Variants in TENM1 observed in about 807,000 individuals in gnomAD.
TENM1 encodes teneurin transmembrane protein 1.
Under a neutral mutation model 174.8 loss-of-function variants are expected in TENM1, and 35 were observed. That is an observed-to-expected ratio of 0.20 (90% CI 0.15 to 0.27). The LOEUF (loss-of-function observed/expected upper bound fraction) is 0.27. Among genes scored for constraint, TENM1 ranks in the 10% least tolerant of loss-of-function variants. The probability of loss-of-function intolerance (pLI) is 1.00; values close to 1 mark genes in which losing one functional copy is unlikely to be tolerated. For synonymous variants in TENM1, 781 were observed against 798.7 expected, an observed-to-expected ratio of 0.98 and a Z score of 0.37; for missense variants, 1,633 against 2,130.1, an observed-to-expected ratio of 0.77 and a Z score of 4.59.
intron 5 of TENM1, among the ~76,000 whole-genome samples, chrX:124,692,337 T>C (rs1321439963): frequency 9.0e-6 from 1 of 111,370 alleles, no homozygotes; most frequent in Non-Finnish European, 1.9e-5. Context: ...TCAGGTACTA[T>C]GCTTATTACC....
intron 1 of TENM1, among the ~76,000 whole-genome samples, chrX:124,913,182 T>C (rs1038158349): frequency 9.0e-6 from 1 of 111,330 alleles, no homozygotes; most frequent in Non-Finnish European, 1.9e-5. Context: ...TTTATATACG[T>C]TCCCATAGTG....
intron 8 of TENM1, among the ~76,000 whole-genome samples, chrX:124,650,425 T>C (rs2046541614): frequency 9.0e-6 from 1 of 110,802 alleles, no homozygotes; most frequent in African/African-American, 3.3e-5. Context: ...GACAGCTTGA[T>C]ATGTGGATGA....
chrX:124,688,323 C>A (rs1603003478), intron 5 of TENM1, among the ~76,000 whole-genome samples: 1 of 108,843 alleles, frequency 9.2e-6, no homozygotes, highest in East Asian at 2.9e-4. Context: ...GATGTAGGCT[C>A]ACTGCAACCT....
chrX:124,378,550 C>T (rs932860851), exon 32 of TENM1: 1 of 111,715 alleles, frequency 9.0e-6, no homozygotes, highest in African/African-American at 3.3e-5. Context: ...TCAGAAAAAA[C>T]CCAATAATAT....
At chrX:124,523,224 T>G (rs759006297) in intron 17 of TENM1, 140 bp downstream of exon 20, 9 of 653,251 alleles carry the variant, frequency 1.4e-5, no homozygotes, top group Admixed American at 1.0e-4. Context: ...CAGAAAAACA[T>G]TTGAAGACTT....
intron 3 of TENM1, among the ~76,000 whole-genome samples, chrX:124,779,925 A>AC: frequency 8.9e-6 from 1 of 111,897 alleles, no homozygotes; most frequent in South Asian, 3.7e-4. Context: ...TTGGGAACTA[A>AC]CCTTAAGTCT....
intron 3 of TENM1, among the ~76,000 whole-genome samples, chrX:124,832,129 C>T (rs2056303313): frequency 9.0e-6 from 1 of 111,700 alleles, no homozygotes; most frequent in African/African-American, 3.3e-5. Flanking sequence ...TATCCCTCCT[C>T]CCCCTCTTTT....
chrX:124,840,707 C>T (rs374639242), intron 3 of TENM1, among the ~76,000 whole-genome samples: 3 of 111,729 alleles, frequency 2.7e-5, no homozygotes, highest in Admixed American at 9.5e-5. Flanking sequence ...GATCTGTTTT[C>T]GTTAGGTTAA....
chrX:124,832,637 C>T (rs2056313955), intron 3 of TENM1, among the ~76,000 whole-genome samples: 1 of 112,469 alleles, frequency 8.9e-6, no homozygotes, highest in Non-Finnish European at 1.9e-5. Flanking sequence ...TGGAGTGCAG[C>T]AGTCTCGGCT....
chrX:125,103,489 T>C, the TENM1 span, among the ~76,000 whole-genome samples: 29 of 111,301 alleles, frequency 2.6e-4, no homozygotes, highest in Non-Finnish European at 4.3e-4. Context: ...CCCTTTAAGG[T>C]TCTATTTTAT....
At chrX:124,423,403 T>C (rs2060676745) in intron 23 of TENM1, among the ~76,000 whole-genome samples, 1 of 111,770 alleles carries the variant, frequency 8.9e-6, no homozygotes, top group Non-Finnish European at 1.9e-5. Flanking sequence ...GGGTTAAGCC[T>C]TGTGCTAAGC....
intron 25 of TENM1, among the ~76,000 whole-genome samples, chrX:124,414,094 TTTTGTTTG>T (rs747262269): frequency 9.0e-6 from 1 of 111,507 alleles, no homozygotes; most frequent in Non-Finnish European, 1.9e-5. Flanking sequence ...TGGGTGGTGT[TTTTGTTTG>T]TTTGTTTGTT....
At chrX:124,490,071 T>C (rs916492658) in intron 20 of TENM1, among the ~76,000 whole-genome samples, 37 of 112,221 alleles carry the variant, frequency 3.3e-4, no homozygotes, top group Non-Finnish European at 4.9e-4. Context: ...ATCTGATAAA[T>C]GAATCCATAT....
At chrX:124,459,488 G>A (rs1251238748) in intron 22 of TENM1, among the ~76,000 whole-genome samples, 1 of 110,832 alleles carries the variant, frequency 9.0e-6, no homozygotes, top group Non-Finnish European at 1.9e-5. Flanking sequence ...TAAAGCGATG[G>A]GGAAAGGACT....
chrX:124,852,473 G>C (rs184360962), intron 3 of TENM1, among the ~76,000 whole-genome samples: 170 of 110,840 alleles, frequency 1.5e-3, no homozygotes, highest in Non-Finnish European at 2.5e-3. Flanking sequence ...TTGGAGGCAG[G>C]GGAGAAGAAG....
chrX:124,741,478 G>A (rs1027513399), intron 3 of TENM1, among the ~76,000 whole-genome samples: 1 of 111,077 alleles, frequency 9.0e-6, no homozygotes, highest in Non-Finnish European at 1.9e-5. Flanking sequence ...TAACCAAAGG[G>A]TTATGGAAAA....
chrX:125,116,649 A>G, the TENM1 span, among the ~76,000 whole-genome samples: 2 of 112,760 alleles, frequency 1.8e-5, no homozygotes, highest in Admixed American at 1.9e-4. Flanking sequence ...ATCACTGGTC[A>G]TTAGAGAAAT....
At chrX:125,117,107 A>C in the TENM1 span, among the ~76,000 whole-genome samples, 1 of 111,289 alleles carries the variant, frequency 9.0e-6, no homozygotes, top group African/African-American at 3.3e-5. Context: ...AGTGTAAATT[A>C]GTTCAACCAT....
At chrX:125,010,778 C>G in the TENM1 span, among the ~76,000 whole-genome samples, 1 of 104,447 alleles carries the variant, frequency 9.6e-6, no homozygotes, top group Non-Finnish European at 2.0e-5. Flanking sequence ...CGCGCCACTG[C>G]ACTCCAGGCT....
Sources: allele counts gnomAD v4.1 joint callset (sites outside exome capture counted in the v4.1 genomes callset), GRCh38; gene constraint gnomAD v4.1.1; transcripts MANE v1.5; gene names NCBI Gene and HGNC (gene_info 2026-07-23, HGNC 2026-07-21).